ZNF385B: variants seen among roughly 807,000 people sequenced by gnomAD.
ZNF385B encodes the protein zinc finger protein 385B.
In ZNF385B, 23 loss-of-function variants were observed where a neutral mutation model predicts 39.2. That is an observed-to-expected ratio of 0.59 (90% CI 0.42 to 0.83). The LOEUF is 0.83. Ranked by LOEUF, ZNF385B falls within the 40% of genes least tolerant of loss-of-function variation. ZNF385B has a pLI of 0.00. For missense variants in ZNF385B, 552 were observed against 598.9 expected (o/e 0.92, Z 0.82); for synonymous variants, 205 against 222.6 (o/e 0.92, Z 0.70).
At chr2:179,788,765 A>C (rs1490117351) in intron 1 of ZNF385B, among the ~76,000 whole-genome samples, 1 of 152,136 alleles carries the variant, frequency 6.6e-6, no homozygotes, top group African/African-American at 2.4e-5. Context: ...GTTGAACATC[A>C]GTGTTATGAT....
chr2:179,691,272 C>G (rs1001530121), intron 3 of ZNF385B, among the ~76,000 whole-genome samples: 5 of 152,094 alleles, frequency 3.3e-5, no homozygotes. Context: ...CAAAATCTAT[C>G]CTTTGTATCA....
At chr2:179,585,980 C>T (rs1000245716) in intron 3 of ZNF385B, 1 of 152,236 alleles carries the variant, frequency 6.6e-6, no homozygotes, top group Non-Finnish European at 1.5e-5. Context: ...ATTCTGGAAT[C>T]CTTATGTCAC....
intron 1 of ZNF385B, among the ~76,000 whole-genome samples, chr2:179,842,970 C>A (rs1870875): frequency 6.6e-6 from 1 of 152,166 alleles, no homozygotes; most frequent in Non-Finnish European, 1.5e-5. Context: ...TTTGCCAAAG[C>A]TAGGGATATA....
intron 6 of ZNF385B, among the ~76,000 whole-genome samples, chr2:179,458,306 C>A (rs776005240): frequency 6.6e-6 from 1 of 152,162 alleles, no homozygotes; most frequent in Non-Finnish European, 1.5e-5. Context: ...AGTTTCCCTG[C>A]ACAAGCTCTC....
At chr2:179,853,514 T>C (rs946258547) in intron 1 of ZNF385B, among the ~76,000 whole-genome samples, 155 of 152,334 alleles carry the variant, frequency 1.0e-3, no homozygotes, top group African/African-American at 3.6e-3. Context: ...TTTCATTTCA[T>C]TGTTCTTTTA....
intron 1 of ZNF385B, among the ~76,000 whole-genome samples, chr2:179,832,846 C>G (rs1245905933): frequency 6.6e-6 from 1 of 152,098 alleles, no homozygotes; most frequent in African/African-American, 2.4e-5. Context: ...GTAAATGAAC[C>G]ATGCTGAATT....
At chr2:179,795,378 A>G (rs1705595545) in intron 1 of ZNF385B, among the ~76,000 whole-genome samples, 1 of 152,132 alleles carries the variant, frequency 6.6e-6, no homozygotes, top group South Asian at 2.1e-4. Flanking sequence ...CATCCCTTGA[A>G]GGCAAAAAGA....
At chr2:179,806,208 T>C (rs963628144) in intron 1 of ZNF385B, among the ~76,000 whole-genome samples, 5 of 152,154 alleles carry the variant, frequency 3.3e-5, no homozygotes, top group Non-Finnish European at 7.4e-5. Flanking sequence ...CTCATTCTAA[T>C]TAATAATAAA....
At chr2:179,839,074 T>G (rs1708412292) in intron 1 of ZNF385B, among the ~76,000 whole-genome samples, 1 of 152,216 alleles carries the variant, frequency 6.6e-6, no homozygotes, top group African/African-American at 2.4e-5. Context: ...CAATCTGAAT[T>G]CTTTCTGGAG....
chr2:179,773,023 G>A (rs1704103144), intron 1 of ZNF385B, among the ~76,000 whole-genome samples: 1 of 152,236 alleles, frequency 6.6e-6, no homozygotes. Context: ...TTGGAGGAAA[G>A]AGCTGATGAA....
intron 3 of ZNF385B, among the ~76,000 whole-genome samples, chr2:179,721,174 C>A (rs1211601590): frequency 6.6e-6 from 1 of 151,856 alleles, no homozygotes; most frequent in Admixed American, 6.6e-5. Context: ...CAAAGGAATA[C>A]ACAAATCAAC....
intron 5 of ZNF385B, among the ~76,000 whole-genome samples, chr2:179,485,504 G>A (rs1455810509): frequency 6.6e-6 from 1 of 152,032 alleles, no homozygotes; most frequent in East Asian, 1.9e-4. Context: ...AACTGGTGAT[G>A]GTGAGCACCA....
chr2:179,853,117 A>G (rs1684313938), intron 1 of ZNF385B, among the ~76,000 whole-genome samples: 1 of 152,150 alleles, frequency 6.6e-6, no homozygotes, highest in Non-Finnish European at 1.5e-5. Flanking sequence ...CTTACAAATT[A>G]TTTTTCTTTC....
chr2:179,776,067 C>T (rs987220122), intron 1 of ZNF385B, among the ~76,000 whole-genome samples: 3 of 152,214 alleles, frequency 2.0e-5, no homozygotes, highest in African/African-American at 7.2e-5. Flanking sequence ...ACTGTTGAAG[C>T]TCAAACTGGA....
chr2:179,484,234 C>T (rs750372682), intron 5 of ZNF385B, among the ~76,000 whole-genome samples: 9 of 151,734 alleles, frequency 5.9e-5, no homozygotes, highest in Non-Finnish European at 8.8e-5. Context: ...GGAAAATTTT[C>T]CTCTGCCTAA....
intron 1 of ZNF385B, among the ~76,000 whole-genome samples, chr2:179,793,641 G>A (rs560884720): frequency 1.1e-4 from 17 of 152,270 alleles, no homozygotes; most frequent in African/African-American, 3.9e-4. Context: ...TCAGCCATGC[G>A]GAACTGTGAG....
intron 3 of ZNF385B, among the ~76,000 whole-genome samples, chr2:179,546,028 TTTAAC>T (rs1332406197): frequency 6.6e-6 from 1 of 152,084 alleles, no homozygotes; most frequent in East Asian, 1.9e-4. Flanking sequence ...TTAATTTTAA[TTTAAC>T]TTTATTATTA....
chr2:179,743,584 C>T (rs1166585408), intron 3 of ZNF385B, among the ~76,000 whole-genome samples: 2 of 152,040 alleles, frequency 1.3e-5, no homozygotes, highest in African/African-American at 4.8e-5. Flanking sequence ...ACCTGCATAT[C>T]CATTACCACA....
intron 3 of ZNF385B, among the ~76,000 whole-genome samples, chr2:179,717,744 A>T (rs1446844983): frequency 6.6e-6 from 1 of 152,156 alleles, no homozygotes; most frequent in Non-Finnish European, 1.5e-5. Flanking sequence ...ATAAACAAAC[A>T]AAAACCTTCT....
Sources: gnomAD v4.1 joint callset for allele counts (sites outside exome capture counted in the v4.1 genomes callset) on GRCh38, gnomAD v4.1.1 for gene constraint, MANE v1.5 for transcripts, NCBI Gene and HGNC (gene_info 2026-07-23, HGNC 2026-07-21) for gene names.